The following SRP68 variants were observed in gnomAD, a reference collection of about 807,000 sequenced individuals.
The protein encoded by SRP68 is signal recognition particle 68.
A neutral mutation model predicts 82.2 loss-of-function variants in SRP68; 15 were observed. The ratio of observed to expected loss-of-function variants is 0.18; its 90% CI spans 0.12 to 0.28. SRP68 has a LOEUF of 0.28. Among genes scored for constraint, SRP68 ranks in the 10% least tolerant of loss-of-function variants. SRP68 has a pLI of 1.00. For synonymous variants in SRP68, 261 were observed against 292.6 expected (o/e 0.89, Z 1.10); for missense variants, 595 against 780.5 (o/e 0.76, Z 2.83).
rs536477130 is a variant in SRP68 at position 76,072,446 on chromosome 17, TGCCGCCGCC to T, written c.37_45del (p.Gly13_Gly15del). The T allele has an allele frequency of 1.8e-5, 29 of 1,579,286 alleles. No homozygotes were observed. The highest frequency in any genetic ancestry group is 1.1e-4 in the South Asian group (10 of 89,936). ...CCGCCACTGCCACCGCCGCCGCCAC[TGCCGCCGCC>T]GCCGCCGCCGCCTGGGACCTGCTTC... On this transcript the variant is annotated inframe_deletion, in exon 1 of 16. Coordinates refer to ENST00000307877, the MANE Select transcript of SRP68 (RefSeq NM_014230.4). The surrounding 1 kb of genome is among the most constrained non-coding windows in gnomAD (Gnocchi z 4.5).
intron 8 of SRP68, among the ~76,000 whole-genome samples, chr17:76,053,908 C>T (rs1402384120): frequency 6.6e-6 from 1 of 152,202 alleles, no homozygotes; most frequent in Non-Finnish European, 1.5e-5. Flanking sequence ...AGGCAGGATT[C>T]CTGGCCACCT....
rs140577836 is a variant in SRP68 at position 76,071,075 on chromosome 17, T to C, written c.185-631A>G. On this transcript the variant is annotated intron_variant, in intron 1 of 15. Coordinates refer to ENST00000307877, the MANE Select transcript of SRP68 (RefSeq NM_014230.4). This position sits in a 1 kb window ranked among gnomAD's most constrained non-coding sequence, Gnocchi z 4.7. ...TTAAATTAAGCTGATGGATTCTAAA[T>C]GCTGACTATAATTGGGGTGCTTCAC... Among the ~76,000 whole-genome samples, 1 of 152,222 alleles carries C rather than the reference T, an allele frequency of 6.6e-6. No homozygotes were observed. Among genetic ancestry groups the C allele is most frequent in the Non-Finnish European group, 1.5e-5 (1 of 68,050 alleles).
At chr17:76,063,580 C>G (rs751157194) in intron 4 of SRP68, among the ~76,000 whole-genome samples, 1 of 151,420 alleles carries the variant, frequency 6.6e-6, no homozygotes. Flanking sequence ...CCCACCTACT[C>G]GGGAGGCTGA....
At chr17:76,063,915 T>C in intron 4 of SRP68, 61 bp downstream of exon 4, 1 of 1,455,244 alleles carries the variant, frequency 6.9e-7, no homozygotes. Flanking sequence ...TCTGTTTAAC[T>C]GCAGCTTTTT....
Position 76,038,956 on chromosome 17 carries a change from G to T in SRP68, c.*750C>A, listed in dbSNP as rs2066567805. On this transcript the variant is annotated 3_prime_UTR_variant, in exon 16 of 16. Coordinates refer to ENST00000307877, the MANE Select transcript of SRP68 (RefSeq NM_014230.4). ...ACACATTGGGAAGTCCTGAAAAATA[G>T]TGCCTCTAACATGTGTATCTGGCAT... 1 of 156,292 alleles carries T rather than the reference G, an allele frequency of 6.4e-6. No homozygotes were observed. The highest frequency in any genetic ancestry group is 1.4e-5 in the Non-Finnish European group (1 of 70,230). 9.7% of individuals were successfully genotyped at this position (156,292 alleles called of 1,614,324 possible). A position where few individuals can be genotyped will look rare whatever the true frequency, so the allele number is the denominator to read the frequency against.
At position 76,062,982 on chromosome 17, in the gene SRP68, G is replaced by A. The variant is rs545262718; in HGVS notation, c.561+994C>T. On this transcript the variant is annotated intron_variant, in intron 4 of 15. Coordinates refer to ENST00000307877, the MANE Select transcript of SRP68 (RefSeq NM_014230.4). The stretch of plus-strand genomic sequence containing the variant: ...AGATGGGGTTTCACCGTGTTAGCCA[G>A]GATGGTCTCGATCTCCTGACTTTGT... Among the ~76,000 whole-genome samples the A allele has an allele frequency of 1.4e-3, 206 of 150,768 alleles. 2 individuals carry two copies. In the Middle Eastern group the frequency reaches 0.031, roughly 23 times the overall value.
chr17:76,043,690 T>C, intron 13 of SRP68, 139 bp downstream of exon 13: 1 of 826,504 alleles, frequency 1.2e-6, no homozygotes, highest in Non-Finnish European at 1.8e-6. Flanking sequence ...TCCTGGGCAG[T>C]CAGGGCTACA....
intron 13 of SRP68, among the ~76,000 whole-genome samples, chr17:76,042,304 G>A (rs1246144905): frequency 6.6e-6 from 1 of 151,954 alleles, no homozygotes; most frequent in Non-Finnish European, 1.5e-5. Context: ...GCTAGTTATC[G>A]TTCAATAATC....
At chr17:76,070,563 A>ACCGTACCT in intron 1 of SRP68, 119 bp from the exon 2 acceptor site, 1 of 879,150 alleles carries the variant, frequency 1.1e-6, no homozygotes. Flanking sequence ...AAATATAGCC[A>ACCGTACCT]GGTACGGTGG....
intron 15 of SRP68, among the ~76,000 whole-genome samples, 155 bp from the exon 16 acceptor site, chr17:76,040,088 T>A (rs2066577925): frequency 6.6e-6 from 1 of 152,148 alleles, no homozygotes; most frequent in South Asian, 2.1e-4. Context: ...GGCTACCACA[T>A]CCCTGCCTTG....
intron 4 of SRP68, among the ~76,000 whole-genome samples, chr17:76,062,772 A>T (rs1598268405): frequency 1.1e-5 from 1 of 89,924 alleles, no homozygotes; most frequent in African/African-American, 4.8e-5. Flanking sequence ...TATAAAATAT[A>T]TATATATATT....
chr17:76,062,636 TTA>T (rs576677375), intron 4 of SRP68, among the ~76,000 whole-genome samples: 1 of 62,702 alleles, frequency 1.6e-5, no homozygotes, highest in South Asian at 3.6e-4. Context: ...ACATTATATA[TTA>T]TATAATATAC....
intron 10 of SRP68, among the ~76,000 whole-genome samples, chr17:76,047,210 T>C (rs1368241057): frequency 6.6e-5 from 10 of 151,958 alleles, no homozygotes; most frequent in Non-Finnish European, 1.3e-4. Flanking sequence ...TTGACCTCCC[T>C]GGGCTCAGGG....
chr17:76,059,079 C>T (rs550835124), intron 7 of SRP68, among the ~76,000 whole-genome samples: 2 of 151,968 alleles, frequency 1.3e-5, no homozygotes, highest in African/African-American at 4.8e-5. Flanking sequence ...GACTCTGTCT[C>T]TACCAAAAAA....
Position 76,039,563 on chromosome 17 carries a change from G to T in SRP68, c.*143C>A. 1.3e-6 allele frequency: 1 copy of T among 777,012 alleles called. No individual in the cohort carries two copies. Among genetic ancestry groups the T allele is most frequent in the Non-Finnish European group, 2.1e-6 (1 of 478,934 alleles). The allele number at this position is 777,012 out of a possible 1,614,324, so 48.1% of individuals were successfully genotyped here. On this transcript the variant is annotated 3_prime_UTR_variant, in exon 16 of 16. Transcript: ENST00000307877. ...TGCTTAAGAACGTGTACAGACACAA[G>T]ATGTAGGAATGCAGGGCCGAAGATG...
intron 8 of SRP68, among the ~76,000 whole-genome samples, chr17:76,054,229 T>A (rs928558107): frequency 6.6e-5 from 10 of 152,160 alleles, no homozygotes; most frequent in Non-Finnish European, 1.3e-4. Context: ...TGTCCTGAGG[T>A]ACAGACCTCC....
At chr17:76,051,604 T>C (rs2066672925) in intron 8 of SRP68, among the ~76,000 whole-genome samples, 1 of 152,212 alleles carries the variant, frequency 6.6e-6, no homozygotes. Flanking sequence ...CTTAAGAATC[T>C]ATTTCTTCTC....
chr17:76,048,305 A>C, intron 9 of SRP68: 1 of 161,032 alleles, frequency 6.2e-6, no homozygotes, highest in Non-Finnish European at 1.4e-5. Context: ...TGTGCCACAG[A>C]TCCCAGTTCC....
chr17:76,050,188 G>A (rs2066661033), intron 9 of SRP68, among the ~76,000 whole-genome samples: 1 of 152,196 alleles, frequency 6.6e-6, no homozygotes, highest in African/African-American at 2.4e-5. Context: ...GGAGGCCACA[G>A]GCTTCACAGG....
Sources: gnomAD v4.1 joint callset for allele counts (sites outside exome capture counted in the v4.1 genomes callset) on GRCh38, gnomAD v4.1.1 for gene constraint, Gnocchi (gnomAD v3.1) non-coding constraint, MANE v1.5 for transcripts, NCBI Gene and HGNC (gene_info 2026-07-23, HGNC 2026-07-21) for gene names.